The following ELP4 variants were observed in gnomAD, a reference collection of about 807,000 sequenced individuals.
The protein encoded by ELP4 is elongator complex protein 4.
In ELP4, 51 loss-of-function variants were observed where a neutral mutation model predicts 48.9. The observed-to-expected ratio is 1.04, with a 90% CI of 0.83 to 1.32. ELP4 has a LOEUF of 1.32. Among genes scored for constraint, ELP4 ranks in the 40% most tolerant of loss-of-function variants. The probability of loss-of-function intolerance (pLI) is 0.00; values close to 1 mark genes in which losing one functional copy is unlikely to be tolerated. For missense variants in ELP4, 519 were observed against 514.6 expected, an observed-to-expected ratio of 1.01 and a Z score of -0.08; for synonymous variants, 210 against 189.2, an observed-to-expected ratio of 1.11 and a Z score of -0.90.
intron 9 of ELP4, among the ~76,000 whole-genome samples, chr11:31,734,297 A>G (rs977811086): frequency 7.9e-4 from 120 of 152,240 alleles, no homozygotes; most frequent in African/African-American, 2.8e-3. Flanking sequence ...CTCTAAGATC[A>G]GGAACAAGGC....
chr11:31,725,667 A>C (rs1328043349), intron 9 of ELP4, among the ~76,000 whole-genome samples: 2 of 152,186 alleles, frequency 1.3e-5, no homozygotes, highest in Admixed American at 6.5e-5. Flanking sequence ...CACCACAAGC[A>C]CTGTATTTCC....
chr11:31,641,626 C>T (rs1227261146), intron 7 of ELP4, among the ~76,000 whole-genome samples: 6 of 151,858 alleles, frequency 4.0e-5, no homozygotes, highest in African/African-American at 1.4e-4. Flanking sequence ...AAAAGCTAGT[C>T]ATTTGTTCAA....
intron 3 of ELP4, among the ~76,000 whole-genome samples, chr11:31,587,327 G>A (rs1957492738): frequency 6.6e-6 from 1 of 152,098 alleles, no homozygotes; most frequent in Non-Finnish European, 1.5e-5. Context: ...AATGTAAAAC[G>A]TTATAAACCG....
At chr11:31,698,421 AT>A (rs879839086) in intron 9 of ELP4, among the ~76,000 whole-genome samples, 2 of 151,412 alleles carry the variant, frequency 1.3e-5, no homozygotes, top group African/African-American at 2.4e-5. Flanking sequence ...CCATAGAAAA[AT>A]TTTTTTTTGA....
At chr11:31,707,336 T>C (rs2134166018) in intron 9 of ELP4, 1 of 242,660 alleles carries the variant, frequency 4.1e-6, no homozygotes, top group East Asian at 7.4e-5. Context: ...AAGACCTCAT[T>C]TTACCACGTG....
intron 5 of ELP4, among the ~76,000 whole-genome samples, chr11:31,617,342 G>A (rs1462282263): frequency 6.6e-6 from 1 of 151,972 alleles, no homozygotes; most frequent in Admixed American, 6.6e-5. Context: ...AGATAAATAT[G>A]ATTCTACTCA....
chr11:31,747,604 A>G (rs1947625489), intron 9 of ELP4, among the ~76,000 whole-genome samples: 1 of 152,246 alleles, frequency 6.6e-6, no homozygotes, highest in African/African-American at 2.4e-5. Context: ...CCCAAAAGAG[A>G]TAGGCAGTCA....
intron 9 of ELP4, among the ~76,000 whole-genome samples, chr11:31,670,516 A>T (rs1207606687): frequency 6.6e-6 from 1 of 152,178 alleles, no homozygotes; most frequent in African/African-American, 2.4e-5. Flanking sequence ...CTACCCTTCT[A>T]ACTGTTACAT....
chr11:31,551,397 T>C (rs913084851), intron 3 of ELP4, among the ~76,000 whole-genome samples: 3 of 152,192 alleles, frequency 2.0e-5, no homozygotes, highest in African/African-American at 7.2e-5. Context: ...AAAGCATCAA[T>C]GATTTTATCA....
chr11:31,714,620 G>A lies in ELP4; in HGVS notation c.1143+64399G>A, dbSNP rs934262061. ...GAACAATACAAATTTATTTTCCTAC[G>A]GTTCTGGCAGGCAGAGGTCCAAAAA... On this transcript the variant is annotated intron_variant, in intron 9 of 9. Transcript: ENST00000640961. The A allele has an allele frequency of 1.5e-5, 6 of 398,264 alleles. No homozygotes were observed. In the East Asian group the frequency reaches 1.8e-4, roughly 12 times the overall value. 24.7% of individuals were successfully genotyped at this position (398,264 alleles called of 1,614,324 possible).
chr11:31,764,038 T>A (rs569745881), intron 9 of ELP4, among the ~76,000 whole-genome samples: 1 of 152,166 alleles, frequency 6.6e-6, no homozygotes, highest in Non-Finnish European at 1.5e-5. Flanking sequence ...TATTTTCTTA[T>A]ATCTCTTTCA....
intron 9 of ELP4, among the ~76,000 whole-genome samples, chr11:31,747,807 G>T (rs1418143299): frequency 1.3e-5 from 2 of 152,244 alleles, no homozygotes; most frequent in Non-Finnish European, 2.9e-5. Context: ...TCTGTAGTGT[G>T]TGGCAACAGA....
chr11:31,552,235 C>T (rs917376817), intron 3 of ELP4, among the ~76,000 whole-genome samples: 1 of 152,098 alleles, frequency 6.6e-6, no homozygotes, highest in South Asian at 2.1e-4. Flanking sequence ...TTTTAATAGA[C>T]GTGTCTTTGG....
chr11:31,571,626 T>C (rs1283337259), intron 3 of ELP4, among the ~76,000 whole-genome samples: 2 of 152,192 alleles, frequency 1.3e-5, no homozygotes, highest in African/African-American at 4.8e-5. Flanking sequence ...ATAGCAGCAA[T>C]AGTGTTAAGA....
intron 9 of ELP4, among the ~76,000 whole-genome samples, chr11:31,674,525 G>A (rs1025719089): frequency 6.6e-6 from 1 of 152,164 alleles, no homozygotes; most frequent in Admixed American, 6.5e-5. Context: ...TTGAATAGAA[G>A]TCTATAGAAT....
intron 5 of ELP4, among the ~76,000 whole-genome samples, chr11:31,616,442 C>A (rs1249920137): frequency 6.6e-6 from 1 of 151,884 alleles, no homozygotes; most frequent in Non-Finnish European, 1.5e-5. Context: ...GATTAAAGAC[C>A]TAAACATAAG....
intron 5 of ELP4, among the ~76,000 whole-genome samples, chr11:31,605,657 C>CT (rs527377040): frequency 6.6e-6 from 1 of 151,810 alleles, no homozygotes; most frequent in Non-Finnish European, 1.5e-5. Flanking sequence ...AAGGACAATA[C>CT]TTTTTTTTAC....
At chr11:31,519,991 A>T in intron 1 of ELP4, 65 bp from the exon 2 acceptor site, 1 of 1,528,808 alleles carries the variant, frequency 6.5e-7, no homozygotes, top group East Asian at 2.3e-5. Flanking sequence ...CATAAAGCCT[A>T]ACTTTTATGC....
At chr11:31,579,900 A>C (rs193065627) in intron 3 of ELP4, among the ~76,000 whole-genome samples, 12 of 152,088 alleles carry the variant, frequency 7.9e-5, no homozygotes. Flanking sequence ...AAACCTGCAC[A>C]TTGTGCACCT....
Sources: allele counts gnomAD v4.1 joint callset (sites outside exome capture counted in the v4.1 genomes callset), GRCh38; gene constraint gnomAD v4.1.1; transcripts MANE v1.5; gene names NCBI Gene and HGNC (gene_info 2026-07-23, HGNC 2026-07-21).